The following LY9 variants were observed in gnomAD, a reference collection of about 807,000 sequenced individuals.
The protein encoded by LY9 is lymphocyte antigen 9.
Under a neutral mutation model 64.6 loss-of-function variants are expected in LY9, and 59 were observed. That is an observed-to-expected ratio of 0.91 (90% CI 0.74 to 1.13). The LOEUF (loss-of-function observed/expected upper bound fraction) is 1.13, where lower values mean the gene tolerates loss of function less well. Ranked by LOEUF, LY9 falls within the 50% of genes most tolerant of loss-of-function variation. LY9 has a pLI of 0.00. For synonymous variants in LY9, 281 were observed against 308.5 expected (o/e 0.91, Z 0.93); for missense variants, 789 against 797.2 (o/e 0.99, Z 0.12).
chr1:160,812,568 T>A (rs1013060745), intron 2 of LY9: 10 of 152,202 alleles, frequency 6.6e-5, no homozygotes, highest in Non-Finnish European at 5.9e-5. Context: ...CAAGATATAT[T>A]GTTAATTTTT....
chr1:160,823,379 C>A, intron 7 of LY9, 86 bp from the exon 8 acceptor site: 1 of 981,704 alleles, frequency 1.0e-6, no homozygotes. Context: ...CTAATGCAGG[C>A]ATCAGAGCAG....
In LY9 at chr1:160,814,449, G is replaced by A. The variant is rs1667775888; in HGVS notation, c.760G>A (p.Gly254Arg). The A allele has an allele frequency of 1.2e-6, 2 of 1,613,182 alleles. No individual in the cohort carries two copies. The highest frequency in any genetic ancestry group is 1.3e-5 in the African/African-American group (1 of 75,018). ...AGGAGCCTCCAGAGGAGGAACAACG[G>A]GGGAGACTGTGGTAGGGGTCCTGGG... ...DPGASRGGTTGETVVGVLGEP... is the reference protein window; with the variant it reads ...DPGASRGGTTRETVVGVLGEP... Residue 254 changes from glycine (G) to arginine (R), a missense_variant, in exon 4 of 10, where the codon GGG (glycine) becomes AGG (arginine). Physicochemically the swap from Gly to Arg is moderately radical, Grantham distance 125. Transcript: ENST00000263285.
intron 4 of LY9, 53 bp downstream of exon 4, chr1:160,814,814 T>G: frequency 2.1e-6 from 3 of 1,444,130 alleles, no homozygotes; most frequent in Non-Finnish European, 2.9e-6. Flanking sequence ...GAAAGCTTTC[T>G]CCTCTGCTGC....
rs1449677958 is a variant in LY9 at position 160,823,703 on chromosome 1, C to T, written c.1737C>T (p.Gly579=). ...CTGGACATGACCCAGCCCCTGAGGGCCAAGCAGACTATGATCCCGTCACTC... is the reference window on the plus strand; with the variant it reads ...CTGGACATGACCCAGCCCCTGAGGGTCAAGCAGACTATGATCCCGTCACTC... ...EGAGHDPAPE[G]QADYDPVTPY... is the part of the protein sequence containing the mutation. The change falls in exon 8 of 10, where the codon GGC becomes GGT. Residue 579 remains glycine (G), a synonymous_variant. Coordinates refer to ENST00000263285, the MANE Select transcript of LY9 (RefSeq NM_002348.4). 1.9e-6 allele frequency: 3 copies of T among 1,614,020 alleles called. No homozygotes were observed. Among genetic ancestry groups the T allele is most frequent in the East Asian group, 2.2e-5 (1 of 44,896 alleles).
chr1:160,798,118 C>T (rs1212679818), intron 1 of LY9, among the ~76,000 whole-genome samples: 3 of 152,142 alleles, frequency 2.0e-5, no homozygotes, highest in African/African-American at 4.8e-5. Context: ...ACAAGATTTG[C>T]CCTGTGAGGC....
Position 160,821,280 on chromosome 1 carries a change from G to C in LY9, c.1498+1906G>C, listed in dbSNP as rs1668429550. Among the ~76,000 whole-genome samples, 7 of 151,728 alleles carry C rather than the reference G, an allele frequency of 4.6e-5. No individual in the cohort carries two copies. In the South Asian group the frequency reaches 1.5e-3, roughly 32 times the overall value. ...CCACTGCTGAGATTTCTACAGACCT[G>C]AATCCTTTCAGAAACTTTTAATGCA... On this transcript the variant is annotated intron_variant, in intron 7 of 9. Transcript: ENST00000263285.
intron 7 of LY9, among the ~76,000 whole-genome samples, chr1:160,820,289 G>A (rs1382427124): frequency 6.6e-6 from 1 of 152,122 alleles, no homozygotes; most frequent in South Asian, 2.1e-4. Context: ...GTGGGGAGCT[G>A]AGATGCCTGC....
intron 7 of LY9, among the ~76,000 whole-genome samples, chr1:160,821,944 C>T (rs1254427729): frequency 2.0e-5 from 3 of 152,150 alleles, no homozygotes; most frequent in Non-Finnish European, 4.4e-5. Flanking sequence ...GTTTCCTCAT[C>T]TACAAAAAAT....
intron 2 of LY9, among the ~76,000 whole-genome samples, chr1:160,808,393 G>A (rs1667182634): frequency 6.6e-6 from 1 of 152,210 alleles, no homozygotes; most frequent in Non-Finnish European, 1.5e-5. Context: ...GTTTGAAAAT[G>A]GTCCCTTACT....
chr1:160,813,009 C>T (rs1221292255), intron 2 of LY9: 1 of 152,742 alleles, frequency 6.5e-6, no homozygotes, highest in Non-Finnish European at 1.5e-5. Context: ...CGCTTGAACC[C>T]AGGAGGCAGA....
intron 4 of LY9, among the ~76,000 whole-genome samples, chr1:160,815,807 G>GGGCC (rs1280720500): frequency 1.3e-5 from 2 of 152,216 alleles, no homozygotes; most frequent in Non-Finnish European, 2.9e-5. Context: ...CCAAGAAGGT[G>GGGCC]GGCCACTCAG....
intron 2 of LY9, chr1:160,802,622 AT>A (rs1666611603): frequency 1.2e-5 from 12 of 985,532 alleles, no homozygotes; most frequent in Non-Finnish European, 1.3e-5. Flanking sequence ...ACCCCATTTT[AT>A]TTTTACACCA....
At chr1:160,814,025 A>G (rs946556187) in intron 3 of LY9, 114 bp downstream of exon 3, 4 of 1,154,866 alleles carry the variant, frequency 3.5e-6, no homozygotes, top group African/African-American at 3.1e-5. Context: ...GCAAGAGGAC[A>G]GGCCCCAAAA....
chr1:160,803,182 T>G (rs1333432718), intron 2 of LY9, among the ~76,000 whole-genome samples: 1 of 152,124 alleles, frequency 6.6e-6, no homozygotes, highest in East Asian at 1.9e-4. Flanking sequence ...CTCGGAAGTC[T>G]GAGGCGGGAG....
chr1:160,820,471 C>A (rs1312878410), intron 7 of LY9, among the ~76,000 whole-genome samples: 1 of 152,086 alleles, frequency 6.6e-6, no homozygotes, highest in Admixed American at 6.6e-5. Context: ...GCAGGGATTC[C>A]CCATGGAGAT....
chr1:160,827,772 G>T lies in LY9; in HGVS notation c.1924G>T (p.Asp642Tyr). The T allele has an allele frequency of 1.9e-6, 3 of 1,610,262 alleles. No individual in the cohort carries two copies. The highest frequency in any genetic ancestry group is 1.1e-5 in the South Asian group (1 of 90,360). ...PQVVPPPQQNDLEIPESPTYE... is the reference protein window; with the variant it reads ...PQVVPPPQQNYLEIPESPTYE... The stretch of plus-strand genomic sequence containing the variant: ...GGTGGTGCCACCACCACAACAGAAT[G>T]ATCTTGAGATTCCTGAAAGTCCTAC... Residue 642 changes from aspartate to tyrosine, a missense_variant, in exon 10 of 10, where the codon GAT becomes TAT. Coordinates refer to ENST00000263285, the MANE Select transcript of LY9 (RefSeq NM_002348.4).
chr1:160,824,776 G>C, intron 9 of LY9: 3 of 329,770 alleles, frequency 9.1e-6, no homozygotes, highest in Non-Finnish European at 1.3e-5. Flanking sequence ...TCAGGAGATG[G>C]AGACCATCCT....
chr1:160,802,860 C>T (rs1666634541), intron 2 of LY9: 1 of 183,964 alleles, frequency 5.4e-6, no homozygotes, highest in South Asian at 1.8e-4. Flanking sequence ...TAACACCATG[C>T]TGTTTTGGTT....
chr1:160,802,511 G>A (rs1486604534), intron 2 of LY9: 2 of 985,548 alleles, frequency 2.0e-6, no homozygotes, highest in African/African-American at 3.5e-5. Flanking sequence ...GGCCGCGCCA[G>A]GCACCAACTC....
Sources: gnomAD v4.1 joint callset for allele counts (sites outside exome capture counted in the v4.1 genomes callset) on GRCh38, gnomAD v4.1.1 for gene constraint, MANE v1.5 for transcripts, NCBI Gene and HGNC (gene_info 2026-07-23, HGNC 2026-07-21) for gene names.